The following TBCD variants were observed in gnomAD, a reference collection of about 807,000 sequenced individuals.
The protein encoded by TBCD is tubulin-specific chaperone D.
In TBCD, 105 loss-of-function variants were observed where a neutral mutation model predicts 169.3. That is an observed-to-expected ratio of 0.62 (90% confidence interval 0.53 to 0.73). The LOEUF is 0.73. TBCD is among the 30% of genes least tolerant of loss of function. The pLI is 0.00. For missense variants in TBCD, 1,444 were observed against 1,600.1 expected (o/e 0.90, Z 1.66); for synonymous variants, 700 against 643.9 (o/e 1.09, Z -1.32).
intron 12 of TBCD, among the ~76,000 whole-genome samples, chr17:82,814,087 C>T (rs1440407886): frequency 6.6e-6 from 1 of 152,180 alleles, no homozygotes; most frequent in East Asian, 1.9e-4. Flanking sequence ...AATATTATGA[C>T]TTGATCGATG....
chr17:82,876,709 G>T (rs574182139), intron 14 of TBCD, among the ~76,000 whole-genome samples: 2 of 152,282 alleles, frequency 1.3e-5, no homozygotes, highest in South Asian at 4.1e-4. Flanking sequence ...CGTTTCTCAG[G>T]CGTTGCTGTA....
chr17:82,865,595 C>T (rs2057116042), intron 13 of TBCD: 2 of 960,796 alleles, frequency 2.1e-6, no homozygotes, highest in African/African-American at 1.8e-5. Flanking sequence ...AATGGGAAGG[C>T]CTGACAGGGC....
intron 6 of TBCD, among the ~76,000 whole-genome samples, chr17:82,772,744 C>T (rs534866015): frequency 6.6e-6 from 1 of 152,244 alleles, no homozygotes; most frequent in East Asian, 1.9e-4. Context: ...CCTGACAGGC[C>T]CATCGACAGG....
intron 7 of TBCD, among the ~76,000 whole-genome samples, chr17:82,791,361 G>T (rs890036026): frequency 3.3e-5 from 5 of 152,200 alleles, no homozygotes; most frequent in African/African-American, 1.2e-4. Context: ...AAAGTGCTGG[G>T]ATTACAGGCG....
chr17:82,902,394 G>A (rs2059952616), intron 18 of TBCD, among the ~76,000 whole-genome samples: 1 of 152,226 alleles, frequency 6.6e-6, no homozygotes, highest in Non-Finnish European at 1.5e-5. Context: ...CCTCGGGCTG[G>A]GCTTGCGGCT....
chr17:82,790,869 C>T (rs1481333690), intron 7 of TBCD, among the ~76,000 whole-genome samples: 1 of 152,118 alleles, frequency 6.6e-6, no homozygotes, highest in Non-Finnish European at 1.5e-5. Flanking sequence ...GAAGCTCAGA[C>T]CCCTCTCTGA....
In TBCD at chr17:82,941,414, A is replaced by G; in HGVS notation, c.3495A>G (p.Ala1165=). The G allele has an allele frequency of 6.3e-7, 1 of 1,597,684 alleles. No homozygotes were observed. Among genetic ancestry groups the G allele is most frequent in the Non-Finnish European group, 8.5e-7 (1 of 1,175,630 alleles). ...LSDTAWDAEL[A]VVREQRNRLC... is the part of the protein sequence containing the mutation. Reference sequence around the variant, plus strand: ...CTCCTCACAGGGACGCGGAGCTTGCAGTGGTGAGAGAGCAGCGCAACCGTC... The same window carrying G: ...CTCCTCACAGGGACGCGGAGCTTGCGGTGGTGAGAGAGCAGCGCAACCGTC... Residue 1165 remains alanine (A), a synonymous_variant, in exon 38 of 39, where the codon GCA becomes GCG. Coordinates refer to ENST00000355528, the MANE Select transcript of TBCD (RefSeq NM_005993.5).
At position 82,832,636 on chromosome 17, in the gene TBCD, G is replaced by A. The variant is rs1034155561; in HGVS notation, c.1318+17702G>A. 10 of 650,076 alleles carry A rather than the reference G, an allele frequency of 1.5e-5. No homozygotes were observed. Among genetic ancestry groups the A allele is most frequent in the Non-Finnish European group, 2.7e-5 (10 of 370,706 alleles). The allele number at this position is 650,076 out of a possible 1,614,324, so 40.3% of individuals were successfully genotyped here. On this transcript the variant is annotated intron_variant, in intron 13 of 38. Transcript: ENST00000355528. The surrounding 1 kb of genome is among the most constrained non-coding windows in gnomAD (Gnocchi z 4.9). ...AGCCTCCGTCATCTGGCGGCTGGGA[G>A]CTGTAATAAAGAGCAGTCTTGGTGT...
chr17:82,856,788 ACC>A (rs1567899721), intron 13 of TBCD, among the ~76,000 whole-genome samples: 61 of 132,992 alleles, frequency 4.6e-4, no homozygotes, highest in Non-Finnish European at 7.3e-4. Context: ...CCGCGTGCGG[ACC>A]CTCGCTGCGC....
chr17:82,847,079 T>C (rs371181531), intron 13 of TBCD, among the ~76,000 whole-genome samples: 59 of 152,030 alleles, frequency 3.9e-4, no homozygotes, highest in East Asian at 2.1e-3. Flanking sequence ...AGGCCGGGCG[T>C]GGTGGCTCAC....
intron 13 of TBCD, chr17:82,839,999 T>G (rs554234490): frequency 2.0e-4 from 30 of 152,564 alleles, no homozygotes; most frequent in African/African-American, 7.2e-4. Context: ...GCAGTACCTG[T>G]TCTCACGCTT....
chr17:82,849,423 T>C (rs1225776733), intron 13 of TBCD, among the ~76,000 whole-genome samples: 2 of 152,250 alleles, frequency 1.3e-5, no homozygotes, highest in Non-Finnish European at 2.9e-5. Flanking sequence ...AATCTTTTCC[T>C]TCAGGTATTT....
intron 13 of TBCD, among the ~76,000 whole-genome samples, chr17:82,841,186 C>T (rs575185207): frequency 6.6e-6 from 1 of 151,866 alleles, no homozygotes; most frequent in Non-Finnish European, 1.5e-5. Flanking sequence ...TTGTGATCCA[C>T]CCACGTCGGC....
At position 82,800,865 on chromosome 17, in the gene TBCD, TG is replaced by T; in HGVS notation, c.820del (p.Ala274ProfsTer25). 6.2e-7 allele frequency: 1 copy of T among 1,612,196 alleles called. No homozygotes were observed. The highest frequency in any genetic ancestry group is 1.7e-4 in the Middle Eastern group (1 of 5,954). ...GKREDCLPYAATVLRCLDGCR... is the reference protein window; with the variant it reads ...GKREDCLPYAXTVLRCLDGCR... ...GCTGAGTCCAGTTCTTGTTTGCAGC[TG>T]CCACTGTCCTCAGGTGCCTCGATGG... On this transcript the variant is annotated frameshift_variant and splice_region_variant, in exon 9 of 39. Transcript: ENST00000355528. LOFTEE classifies it high-confidence loss of function.
chr17:82,882,114 C>T (rs2058398088), intron 14 of TBCD, among the ~76,000 whole-genome samples: 2 of 152,250 alleles, frequency 1.3e-5, no homozygotes, highest in African/African-American at 4.8e-5. Flanking sequence ...TCACATGCCC[C>T]AGCTTCTCCG....
chr17:82,886,563 C>T (rs752656348), intron 15 of TBCD, among the ~76,000 whole-genome samples: 7 of 149,002 alleles, frequency 4.7e-5, no homozygotes, highest in African/African-American at 7.5e-5. Flanking sequence ...TCCAGCATTT[C>T]GTTTGATACA....
intron 14 of TBCD, among the ~76,000 whole-genome samples, chr17:82,872,517 C>T (rs1407559685): frequency 6.6e-6 from 1 of 152,252 alleles, no homozygotes; most frequent in African/African-American, 2.4e-5. Flanking sequence ...TGCCAGCCTG[C>T]AGCGCTGCTG....
chr17:82,841,257 GTTAT>G (rs1406792263), intron 13 of TBCD, among the ~76,000 whole-genome samples: 2 of 151,510 alleles, frequency 1.3e-5, no homozygotes, highest in Non-Finnish European at 2.9e-5. Flanking sequence ...TTTTGTTTTT[GTTAT>G]TTTTTTCCTT....
At chr17:82,830,316 G>C in intron 13 of TBCD, 2 of 1,614,160 alleles carry the variant, frequency 1.2e-6, no homozygotes, top group Non-Finnish European at 1.7e-6. Context: ...GTGTGGGTGT[G>C]TCTTGCCGGC....
Sources: gnomAD v4.1 joint callset for allele counts (sites outside exome capture counted in the v4.1 genomes callset) on GRCh38, gnomAD v4.1.1 for gene constraint, Gnocchi (gnomAD v3.1) non-coding constraint, MANE v1.5 for transcripts, NCBI Gene and HGNC (gene_info 2026-07-23, HGNC 2026-07-21) for gene names.